The following DPYD variants were observed in gnomAD, a reference collection of about 807,000 sequenced individuals.
DPYD encodes dihydropyrimidine dehydrogenase [NADP(+)].
DPYD carries 109 observed loss-of-function variants against 116.2 expected under a neutral mutation model. The ratio of observed to expected loss-of-function variants is 0.94; its 90% CI spans 0.80 to 1.10. DPYD has a LOEUF of 1.10. Among genes scored for constraint, DPYD ranks in the 50% least tolerant of loss-of-function variants. The pLI is 0.00. For synonymous variants in DPYD, 440 were observed against 432.0 expected, an observed-to-expected ratio of 1.02 and a Z score of -0.23; for missense variants, 1,302 against 1,254.5, an observed-to-expected ratio of 1.04 and a Z score of -0.57.
intron 18 of DPYD, among the ~76,000 whole-genome samples, chr1:97,240,952 T>C (rs983128408): frequency 2.0e-5 from 3 of 151,990 alleles, no homozygotes; most frequent in Non-Finnish European, 4.4e-5. Context: ...GAAACTGAAG[T>C]ACTAAAAGGA....
chr1:97,676,926 C>A (rs1571173538), intron 8 of DPYD, among the ~76,000 whole-genome samples: 1 of 152,172 alleles, frequency 6.6e-6, no homozygotes, highest in African/African-American at 2.4e-5. Context: ...AGATTCACTT[C>A]TCAGCATGAA....
rs573791333 is a variant in DPYD, at chr1:97,760,054, C to T, written c.234-19575G>A. 1.4e-4 allele frequency among the ~76,000 whole-genome samples: 22 copies of T among 152,142 alleles called. No individual in the cohort carries two copies. In the South Asian group the frequency reaches 3.5e-3, roughly 24 times the overall value. ...AAAGAACGATGTCTTCAACAGAGAA[C>T]GGAAGGAGGTGTTTTGGTGGAAGAA... On this transcript the variant is annotated intron_variant, in intron 3 of 22. Coordinates refer to ENST00000370192, the MANE Select transcript of DPYD (RefSeq NM_000110.4).
chr1:97,878,214 TTTA>T (rs748822753), intron 2 of DPYD, among the ~76,000 whole-genome samples: 74 of 151,768 alleles, frequency 4.9e-4, no homozygotes, highest in Non-Finnish European at 7.5e-4. Flanking sequence ...CCTATATATA[TTTA>T]TTATTATTAT....
intron 4 of DPYD, among the ~76,000 whole-genome samples, chr1:97,732,010 T>G (rs558257257): frequency 6.6e-6 from 1 of 152,274 alleles, no homozygotes; most frequent in South Asian, 2.1e-4. Context: ...TGGCTTAAGA[T>G]GTATAATAAA....
intron 19 of DPYD, among the ~76,000 whole-genome samples, chr1:97,217,934 A>G (rs542718969): frequency 9.2e-5 from 14 of 152,334 alleles, no homozygotes; most frequent in African/African-American, 3.4e-4. Context: ...TCTTATTACA[A>G]TCCAATGAGA....
At chr1:97,616,128 C>T (rs951666874) in intron 8 of DPYD, among the ~76,000 whole-genome samples, 8 of 149,880 alleles carry the variant, frequency 5.3e-5, no homozygotes, top group Admixed American at 2.0e-4. Context: ...ATTTACACTG[C>T]ACTCTAATAA....
At chr1:97,139,027 T>A (rs1182967792) in intron 20 of DPYD, among the ~76,000 whole-genome samples, 1 of 152,150 alleles carries the variant, frequency 6.6e-6, no homozygotes, top group African/African-American at 2.4e-5. Flanking sequence ...ATTCTAAAAT[T>A]TTGTCATTGA....
In DPYD at chr1:97,190,913, G is replaced by C. The variant is rs1041972644; in HGVS notation, c.2622+2156C>G. Among the ~76,000 whole-genome samples the C allele has an allele frequency of 1.7e-4, 26 of 152,204 alleles. 1 individual carries two copies. Among genetic ancestry groups the C allele is most frequent in the Middle Eastern group, 6.8e-3 (2 of 294 alleles). ...TCCAAACAAAATTTTCCTGTGTAAA[G>C]AAGCCAGATACTTCTAGAGTGTCTT... On this transcript the variant is annotated intron_variant, in intron 20 of 22. Transcript: ENST00000370192.
intron 8 of DPYD, among the ~76,000 whole-genome samples, chr1:97,671,457 T>A (rs1394104217): frequency 6.6e-6 from 1 of 152,182 alleles, no homozygotes; most frequent in Non-Finnish European, 1.5e-5. Flanking sequence ...TAAGAGTGGC[T>A]TTGAGTCATT....
intron 18 of DPYD, among the ~76,000 whole-genome samples, chr1:97,242,686 C>T (rs560628752): frequency 2.6e-4 from 40 of 151,652 alleles, no homozygotes; most frequent in East Asian, 9.7e-4. Context: ...ATTCACCTTA[C>T]GAGAATAAGC....
chr1:97,871,263 T>C (rs1671644971), intron 2 of DPYD, among the ~76,000 whole-genome samples: 3 of 151,952 alleles, frequency 2.0e-5, no homozygotes, highest in Admixed American at 2.0e-4. Flanking sequence ...AAAGATTTTC[T>C]GTGTAAACAA....
intron 11 of DPYD, among the ~76,000 whole-genome samples, chr1:97,563,486 C>A (rs1652309657): frequency 6.6e-6 from 1 of 152,138 alleles, no homozygotes; most frequent in Admixed American, 6.6e-5. Context: ...CCTTCTTTCC[C>A]TAACAAAACT....
intron 12 of DPYD, among the ~76,000 whole-genome samples, chr1:97,521,678 C>A (rs1648678915): frequency 6.6e-6 from 1 of 152,092 alleles, no homozygotes; most frequent in South Asian, 2.1e-4. Context: ...GCTACAGTAA[C>A]CAAAACAGCA....
intron 8 of DPYD, among the ~76,000 whole-genome samples, chr1:97,649,788 A>G (rs1483913839): frequency 6.6e-6 from 1 of 152,106 alleles, no homozygotes. Context: ...CTTATTTTTA[A>G]GCCATGACCA....
rs768288280 is a variant in DPYD, at chr1:97,740,403, T to C, written c.310A>G (p.Ile104Val). 1 of 1,612,462 alleles carries C rather than the reference T, an allele frequency of 6.2e-7. No individual in the cohort carries two copies. The highest frequency in any genetic ancestry group is 8.5e-7 in the Non-Finnish European group (1 of 1,178,778). Residue 104 changes from isoleucine to valine, a missense_variant, in exon 4 of 23, where the codon ATT becomes GTT. By Grantham distance (29) the Ile-to-Val change is conservative. Transcript: ENST00000370192. ...NLDIKSFITS[I>V]ANKNYYGAAK... ...AAATCTGAATTTACCTTGTTTGCAA[T>C]ACTTGTGATGAATGATTTAATATCA...
intron 5 of DPYD, among the ~76,000 whole-genome samples, chr1:97,707,734 C>T (rs1662059562): frequency 6.6e-6 from 1 of 151,798 alleles, no homozygotes; most frequent in South Asian, 2.1e-4. Flanking sequence ...GTTGTTGTTT[C>T]ATGTTGCATT....
At chr1:97,724,264 C>T (rs1034556837) in intron 4 of DPYD, among the ~76,000 whole-genome samples, 5 of 130,518 alleles carry the variant, frequency 3.8e-5, no homozygotes, top group Non-Finnish European at 6.5e-5. Context: ...CAAAAGTTCT[C>T]CAGAGACACA....
At chr1:97,809,625 C>A (rs1042282589) in intron 3 of DPYD, among the ~76,000 whole-genome samples, 3 of 152,152 alleles carry the variant, frequency 2.0e-5, no homozygotes, top group African/African-American at 7.2e-5. Flanking sequence ...TTCTGTTGAA[C>A]TACAAGACAA....
At chr1:97,136,250 A>C (rs1182882251) in intron 20 of DPYD, among the ~76,000 whole-genome samples, 1 of 152,218 alleles carries the variant, frequency 6.6e-6, no homozygotes, top group African/African-American at 2.4e-5. Flanking sequence ...TAAAAATGCT[A>C]GGAATCATTA....
Sources: gnomAD v4.1 joint callset for allele counts (sites outside exome capture counted in the v4.1 genomes callset) on GRCh38, gnomAD v4.1.1 for gene constraint, MANE v1.5 for transcripts, NCBI Gene and HGNC (gene_info 2026-07-23, HGNC 2026-07-21) for gene names.